Variants in CHD7 observed in about 807,000 individuals in gnomAD.
CHD7 encodes the protein ATP-dependent chromatin remodeler CHD7.
CHD7 carries 24 observed loss-of-function variants against 307.3 expected under a neutral mutation model. That is an observed-to-expected ratio of 0.08 (90% confidence interval 0.06 to 0.11). CHD7 has a LOEUF of 0.11. Ranked by LOEUF, CHD7 falls within the 10% of genes least tolerant of loss-of-function variation. CHD7 has a pLI of 1.00. For missense variants in CHD7, 3,106 were observed against 3,727.1 expected, an observed-to-expected ratio of 0.83 and a Z score of 4.34; for synonymous variants, 1,363 against 1,349.9, an observed-to-expected ratio of 1.01 and a Z score of -0.21.
intron 2 of CHD7, among the ~76,000 whole-genome samples, chr8:60,754,716 T>C (rs1230054574): frequency 6.6e-6 from 1 of 152,250 alleles, no homozygotes; most frequent in Non-Finnish European, 1.5e-5. Flanking sequence ...TCTAAGTGTT[T>C]CTTTCTAACT....
intron 3 of CHD7, among the ~76,000 whole-genome samples, chr8:60,787,748 G>A (rs994739757): frequency 1.3e-5 from 2 of 151,812 alleles, no homozygotes; most frequent in African/African-American, 2.4e-5. Context: ...TAACACATTA[G>A]CTAACTAGAC....
Position 60,838,159 on chromosome 8 carries a change from G to A in CHD7, c.4437G>A (p.Gly1479=), listed in dbSNP as rs41265246. The change falls in exon 19 of 38, where the codon GGG becomes GGA. Residue 1479 remains glycine, a synonymous_variant. Coordinates refer to ENST00000423902, the MANE Select transcript of CHD7 (RefSeq NM_017780.4). ...YGALMDEEDE[G]SKFCEEDIDQ... The stretch of plus-strand genomic sequence containing the variant: ...CACTCATGGATGAGGAGGATGAAGG[G>A]TCTAAATTCTGTGAAGAAGATATTG... 713 of 1,563,238 alleles carry A rather than the reference G, an allele frequency of 4.6e-4. 2 individuals carry two copies. Among genetic ancestry groups the A allele is most frequent in the Non-Finnish European group, 5.4e-4 (620 of 1,147,906 alleles).
At chr8:60,804,436 A>G in intron 6 of CHD7, among the ~76,000 whole-genome samples, 1 of 152,038 alleles carries the variant, frequency 6.6e-6, no homozygotes, top group East Asian at 1.9e-4. Context: ...TAACTACAGG[A>G]CGTATTTTCA....
intron 1 of CHD7, among the ~76,000 whole-genome samples, chr8:60,719,121 A>G (rs1807766991): frequency 1.3e-5 from 2 of 152,242 alleles, no homozygotes; most frequent in East Asian, 1.9e-4. Context: ...ATTAGGTGAC[A>G]CATGACTATG....
chr8:60,837,529 C>T (rs1804794424), intron 17 of CHD7, 139 bp from the exon 18 acceptor site: 2 of 686,162 alleles, frequency 2.9e-6, no homozygotes, highest in Non-Finnish European at 2.3e-6. Flanking sequence ...AGGACTCCAC[C>T]TTCATGACCT....
intron 2 of CHD7, among the ~76,000 whole-genome samples, chr8:60,754,235 C>T (rs1809778702): frequency 6.6e-6 from 1 of 152,098 alleles, no homozygotes; most frequent in Non-Finnish European, 1.5e-5. Context: ...ACTGAGAACT[C>T]CATTTAAATG....
At chr8:60,686,652 C>T (rs547268700) in intron 1 of CHD7, among the ~76,000 whole-genome samples, 1 of 152,268 alleles carries the variant, frequency 6.6e-6, no homozygotes, top group East Asian at 1.9e-4. Context: ...TGAGCAGGGA[C>T]CGCGTGCGAC....
chr8:60,822,550 A>T lies in CHD7; in HGVS notation c.3005A>T (p.Gln1002Leu), dbSNP rs1223377243. ...GAAATGGGTTTGGGAAAAACTATCC[A>T]GTCCATTACATTTCTCTATGAGATA... is the stretch of plus-strand genomic sequence containing the variant. ...ADEMGLGKTI[Q>L]SITFLYEIYL... The change falls in exon 12 of 38, where the codon CAG becomes CTG. Residue 1002 changes from glutamine to leucine, a missense_variant. This residue lies in a region of CHD7 where 188 missense variants were observed against 261.7 expected (regional missense o/e 0.72). Transcript: ENST00000423902. 1.2e-6 allele frequency: 2 copies of T among 1,613,686 alleles called. No individual in the cohort carries two copies. Among genetic ancestry groups the T allele is most frequent in the East Asian group, 2.2e-5 (1 of 44,882 alleles).
Position 60,781,008 on chromosome 8 carries a change from G to A in CHD7, c.1674G>A (p.Pro558=), listed in dbSNP as rs763024481. The A allele has an allele frequency of 8.4e-6, 13 of 1,555,920 alleles. No individual in the cohort carries two copies. The highest frequency in any genetic ancestry group is 5.0e-5 in the South Asian group (4 of 80,166). Residue 558 remains proline, a synonymous_variant, in exon 3 of 38, where the codon CCG becomes CCA. Coordinates refer to ENST00000423902, the MANE Select transcript of CHD7 (RefSeq NM_017780.4). ...PQKVPVHQHS[P]SEPFLEKPVP... ...CTATTTGTGTCTCTCAGCATTCCCC[G>A]TCGGAGCCCTTTCTAGAGAAACCAG...
At chr8:60,801,447 C>A in intron 5 of CHD7, 81 bp from the exon 6 acceptor site, 1 of 1,035,150 alleles carries the variant, frequency 9.7e-7, no homozygotes, top group Non-Finnish European at 1.5e-6. Flanking sequence ...GAGGTGGTAG[C>A]AAAGGGGAAT....
intron 1 of CHD7, among the ~76,000 whole-genome samples, chr8:60,684,825 G>A (rs1805800814): frequency 6.6e-6 from 1 of 152,222 alleles, no homozygotes; most frequent in African/African-American, 2.4e-5. Flanking sequence ...GAATTGGTGG[G>A]TGCAGAGAGG....
intron 1 of CHD7, among the ~76,000 whole-genome samples, chr8:60,717,332 G>A (rs528713308): frequency 1.3e-5 from 2 of 152,146 alleles, no homozygotes; most frequent in East Asian, 3.8e-4. Flanking sequence ...ATTAGACTTA[G>A]CAATAACTTT....
In CHD7 at chr8:60,836,063, A is replaced by G. The variant is rs886063035; in HGVS notation, c.3779-10A>G. On this transcript the variant is annotated splice_polypyrimidine_tract_variant and intron_variant, in intron 15 of 37. Coordinates refer to ENST00000423902, the MANE Select transcript of CHD7 (RefSeq NM_017780.4). ...TACAGTATTCACGTTATGCTGTCCA[A>G]TCTCTGCAGGTGCTGAAGAGAAAAT... 1 of 1,595,244 alleles carries G rather than the reference A, an allele frequency of 6.3e-7. No individual in the cohort carries two copies. The highest frequency in any genetic ancestry group is 1.3e-5 in the African/African-American group (1 of 74,700).
At chr8:60,807,867 G>A (rs1812608854) in intron 6 of CHD7, among the ~76,000 whole-genome samples, 1 of 152,260 alleles carries the variant, frequency 6.6e-6, no homozygotes, top group Non-Finnish European at 1.5e-5. Flanking sequence ...CTAATTGGCT[G>A]CTGCCTGAGA....
At chr8:60,726,279 A>G (rs543843058) in intron 1 of CHD7, among the ~76,000 whole-genome samples, 1 of 152,362 alleles carries the variant, frequency 6.6e-6, no homozygotes, top group East Asian at 1.9e-4. Flanking sequence ...TGAAGCTAGT[A>G]AAGTTAGCCT....
chr8:60,709,767 G>A (rs914293864), intron 1 of CHD7, among the ~76,000 whole-genome samples: 5 of 152,036 alleles, frequency 3.3e-5, no homozygotes, highest in African/African-American at 7.2e-5. Context: ...ATAACTATAT[G>A]GAAGCATCAT....
chr8:60,709,564 GTTTACT>G (rs2150521728), intron 1 of CHD7, among the ~76,000 whole-genome samples: 1 of 152,170 alleles, frequency 6.6e-6, no homozygotes, highest in African/African-American at 2.4e-5. Flanking sequence ...AGAATTTCTT[GTTTACT>G]TTTAATTTAT....
chr8:60,842,588 T>C (rs1805021482), intron 21 of CHD7, among the ~76,000 whole-genome samples: 1 of 152,218 alleles, frequency 6.6e-6, no homozygotes, highest in African/African-American at 2.4e-5. Flanking sequence ...TCTGAATCAC[T>C]GTGATGCCCA....
At chr8:60,714,406 G>GCAC (rs1807461642) in intron 1 of CHD7, among the ~76,000 whole-genome samples, 1 of 17,622 alleles carries the variant, frequency 5.7e-5, no homozygotes, top group African/African-American at 1.9e-4. Context: ...CCGGGAGAAG[G>GCAC]CCCCCCCCCC....
Sources: allele counts gnomAD v4.1 joint callset (sites outside exome capture counted in the v4.1 genomes callset), GRCh38; gene constraint gnomAD v4.1.1; regional missense constraint gnomAD v4.1.1; transcripts MANE v1.5; gene names NCBI Gene and HGNC (gene_info 2026-07-23, HGNC 2026-07-21).